BTN2A2: variants seen among roughly 807,000 people sequenced by gnomAD.
The protein encoded by BTN2A2 is butyrophilin 2.
A neutral mutation model predicts 34.7 loss-of-function variants in BTN2A2; 29 were observed. That is an observed-to-expected ratio of 0.84 (90% CI 0.62 to 1.14). The LOEUF is 1.14. BTN2A2 is among the 50% of genes most tolerant of loss of function. BTN2A2 has a pLI of 0.00. For synonymous variants in BTN2A2, 240 were observed against 253.1 expected (o/e 0.95, Z 0.49); for missense variants, 612 against 651.5 (o/e 0.94, Z 0.66).
Position 26,394,059 on chromosome 6 carries a change from C to G in BTN2A2, c.*1092C>G. On this transcript the variant is annotated 3_prime_UTR_variant, in exon 8 of 8. Coordinates refer to ENST00000356709, the MANE Select transcript of BTN2A2 (RefSeq NM_006995.5). ...GAGATATTTGTATTATCATATCTGC[C>G]TTTGTATTAAACCTATTGGTATATC... 1 of 408,030 alleles carries G rather than the reference C, an allele frequency of 2.5e-6. No homozygotes were observed. Among genetic ancestry groups the G allele is most frequent in the East Asian group, 3.6e-5 (1 of 27,418 alleles). 25.3% of individuals were successfully genotyped at this position (408,030 alleles called of 1,614,324 possible).
Position 26,385,262 on chromosome 6 carries a change from G to A in BTN2A2, c.342G>A (p.Leu114=). 6.2e-7 allele frequency: 1 copy of A among 1,614,110 alleles called. No homozygotes were observed. The highest frequency in any genetic ancestry group is 2.2e-5 in the East Asian group (1 of 44,884). ...SKDINRGSVA[L]VIHNVTAQEN... ...ACATCAACAGGGGCAGCGTGGCCCT[G>A]GTCATACATAACGTCACAGCCCAGG... The change falls in exon 3 of 8, where the codon CTG becomes CTA. Residue 114 remains leucine (L), a synonymous_variant. Transcript: ENST00000356709.
rs1561828869 is a variant in BTN2A2 at position 26,388,170 on chromosome 6, T to A, written c.600T>A (p.Asp200Glu). 6.2e-7 allele frequency: 1 copy of A among 1,614,218 alleles called. No homozygotes were observed. The highest frequency in any genetic ancestry group is 8.5e-7 in the Non-Finnish European group (1 of 1,180,032). ...CCCTGAAGGAGGTTTCCATCGCTGA[T>A]GCTGACGGCCTCTTCATGGTCACCA... ...VPALKEVSIA[D>E]ADGLFMVTTA... The change falls in exon 4 of 8, where the codon GAT becomes GAA. Residue 200 changes from aspartate (D) to glutamate (E), a missense_variant. Transcript: ENST00000356709.
rs1761727623 is a variant in BTN2A2, at chr6:26,393,467, G to A, written c.*500G>A. 5 of 1,060,154 alleles carry A rather than the reference G, an allele frequency of 4.7e-6. No individual in the cohort carries two copies. The highest frequency in any genetic ancestry group is 4.9e-5 in the Admixed American group (1 of 20,268). 65.7% of individuals were successfully genotyped at this position (1,060,154 alleles called of 1,614,324 possible). A position where few individuals can be genotyped will look rare whatever the true frequency, so the allele number is the denominator to read the frequency against. On this transcript the variant is annotated 3_prime_UTR_variant, in exon 8 of 8. Coordinates refer to ENST00000356709, the MANE Select transcript of BTN2A2 (RefSeq NM_006995.5). The stretch of plus-strand genomic sequence containing the variant: ...CAGAGAGCTGGGAGGGACCAAGGTT[G>A]TAAGGATGGCTAAGTCCCACCATAA...
At chr6:26,391,003 A>G (rs891821303) in intron 7 of BTN2A2, 174 bp downstream of exon 7, 2 of 935,562 alleles carry the variant, frequency 2.1e-6, no homozygotes, top group African/African-American at 3.3e-5. Flanking sequence ...CTGTCAGGGA[A>G]CCCCAGCAGC....
In BTN2A2 at chr6:26,392,055, T is replaced by TC. The variant is rs1258992951; in HGVS notation, c.980-320_980-319insC. On this transcript the variant is annotated intron_variant, in intron 7 of 7. Transcript: ENST00000356709. ...AAGAAAGTCCCAGAGATCATATATC[T>TC]TGAATAGAAAAGGGATCAGATCTTA... The TC allele has an allele frequency of 1.2e-5, 8 of 685,674 alleles. No individual in the cohort carries two copies. The African/African-American group carries it at 1.4e-4, about 12-fold the overall frequency. The allele number at this position is 685,674 out of a possible 1,614,324, so 42.5% of individuals were successfully genotyped here. A position where few individuals can be genotyped will look rare whatever the true frequency, so the allele number is the denominator to read the frequency against.
At chr6:26,390,744 T>C in intron 6 of BTN2A2, 37 bp downstream of exon 6, 1 of 1,614,236 alleles carries the variant, frequency 6.2e-7, no homozygotes, top group Non-Finnish European at 8.5e-7. Flanking sequence ...CCGTGTACAA[T>C]TTGTGTTCTG....
intron 4 of BTN2A2, 57 bp from the exon 5 acceptor site, chr6:26,389,948 A>G: frequency 1.3e-6 from 2 of 1,545,432 alleles, no homozygotes; most frequent in Non-Finnish European, 1.8e-6. Context: ...TCTTAGGGGC[A>G]CTCTCATCCA....
intron 3 of BTN2A2, 168 bp downstream of exon 3, chr6:26,385,530 T>A: frequency 1.6e-6 from 1 of 639,716 alleles, no homozygotes; most frequent in Non-Finnish European, 2.7e-6. Flanking sequence ...GGGTTTGCCC[T>A]GCTAAGCTAT....
rs1420325676 is a variant in BTN2A2 at position 26,383,149 on chromosome 6, G to A, written c.-63G>A. 2.0e-5 allele frequency: 3 copies of A among 152,612 alleles called. No homozygotes were observed. The highest frequency in any genetic ancestry group is 6.5e-5 in the Admixed American group (1 of 15,312). The allele number at this position is 152,612 out of a possible 1,614,324, so 9.5% of individuals were successfully genotyped here. A position where few individuals can be genotyped will look rare whatever the true frequency, so the allele number is the denominator to read the frequency against. Reference sequence around the variant, plus strand: ...CCAGAGAACAGGTCCCAGATACCGAGTCCGCAACTCCAAACATCGCGATTA... The same window carrying A: ...CCAGAGAACAGGTCCCAGATACCGAATCCGCAACTCCAAACATCGCGATTA... On this transcript the variant is annotated 5_prime_UTR_variant, in exon 1 of 8. Transcript: ENST00000356709. This position sits in a 1 kb window ranked among gnomAD's most constrained non-coding sequence, Gnocchi z 4.4.
intron 3 of BTN2A2, among the ~76,000 whole-genome samples, chr6:26,387,567 CAA>C (rs74270301): frequency 2.3e-4 from 11 of 47,114 alleles, no homozygotes; most frequent in Admixed American, 6.9e-4. Context: ...CCCATCTCTA[CAA>C]AAAAAAAAAA....
chr6:26,390,792 G>C lies in BTN2A2; in HGVS notation c.953-11G>C, dbSNP rs562989262. On this transcript the variant is annotated splice_polypyrimidine_tract_variant and intron_variant, in intron 6 of 7. Coordinates refer to ENST00000356709, the MANE Select transcript of BTN2A2 (RefSeq NM_006995.5). ...TGTCTCGTGACATTCACCTCTGTCT[G>C]TCCCTTGCAGGATGGAGAAGAACAT... 5.6e-6 allele frequency: 9 copies of C among 1,614,234 alleles called. No homozygotes were observed. In the African/African-American group the frequency reaches 1.1e-4, roughly 19 times the overall value.
At position 26,388,240 on chromosome 6, in the gene BTN2A2, T is replaced by C. The variant is rs1761337402; in HGVS notation, c.670T>C (p.Ser224Pro). 6.2e-7 allele frequency: 1 copy of C among 1,614,188 alleles called. No homozygotes were observed. Among genetic ancestry groups the C allele is most frequent in the African/African-American group, 1.3e-5 (1 of 75,040 alleles). Residue 224 changes from serine (S) to proline (P), a missense_variant, in exon 4 of 8, where the codon TCT (serine) becomes CCT (proline). Physicochemically the swap from Ser to Pro is moderately conservative, Grantham distance 74. Transcript: ENST00000356709. ...CAAGTATGTGAGGAATGTGTCCTGC[T>C]CTGTCAACAACACCCTGCTCGGCCA... is the stretch of plus-strand genomic sequence containing the variant. ...RDKYVRNVSC[S>P]VNNTLLGQEK... is the part of the protein sequence containing the mutation.
At chr6:26,390,934 C>A in intron 7 of BTN2A2, 105 bp downstream of exon 7, 1 of 1,558,804 alleles carries the variant, frequency 6.4e-7, no homozygotes, top group Non-Finnish European at 8.8e-7. Context: ...ACACAGGGAC[C>A]ATAGGGAACT....
chr6:26,393,091 C>T lies in BTN2A2; in HGVS notation c.*124C>T. 1 of 1,610,432 alleles carries T rather than the reference C, an allele frequency of 6.2e-7. No individual in the cohort carries two copies. The highest frequency in any genetic ancestry group is 2.2e-5 in the East Asian group (1 of 44,874). On this transcript the variant is annotated 3_prime_UTR_variant, in exon 8 of 8. Coordinates refer to ENST00000356709, the MANE Select transcript of BTN2A2 (RefSeq NM_006995.5). ...GGTCACGTAAGAGAACATCTTCCAGCTGCCTTTTTCACACCCACTCCAGCC... is the reference window on the plus strand; with the variant it reads ...GGTCACGTAAGAGAACATCTTCCAGTTGCCTTTTTCACACCCACTCCAGCC...
In BTN2A2 at chr6:26,385,002, C is replaced by A. The variant is rs747396093; in HGVS notation, c.95-13C>A. ...AACTGGCATCCTTGTCTGATTCTGC[C>A]CTTGTTGAACAGCCCAGTTTACTGT... On this transcript the variant is annotated splice_polypyrimidine_tract_variant and intron_variant, in intron 2 of 7. Coordinates refer to ENST00000356709, the MANE Select transcript of BTN2A2 (RefSeq NM_006995.5). The A allele has an allele frequency of 2.5e-6, 4 of 1,606,808 alleles. No homozygotes were observed. In the South Asian group the frequency reaches 4.4e-5, roughly 18 times the overall value.
chr6:26,389,049 G>A (rs768258001), intron 4 of BTN2A2, among the ~76,000 whole-genome samples: 3 of 152,022 alleles, frequency 2.0e-5, no homozygotes, highest in Admixed American at 6.5e-5. Flanking sequence ...GAACCCAGGC[G>A]GCAGAGCTTG....
At chr6:26,386,193 A>G (rs1304329143) in intron 3 of BTN2A2, among the ~76,000 whole-genome samples, 2 of 152,192 alleles carry the variant, frequency 1.3e-5, no homozygotes, top group Non-Finnish European at 1.5e-5. Context: ...ATTCCTGCTA[A>G]CTCCACAGAG....
intron 4 of BTN2A2, 143 bp from the exon 5 acceptor site, chr6:26,389,862 A>G: frequency 1.3e-6 from 1 of 776,516 alleles, no homozygotes; most frequent in Non-Finnish European, 2.1e-6. Context: ...GTGTTGAGCC[A>G]GCATCGCTTT....
At chr6:26,392,350 C>T in intron 7 of BTN2A2, 25 bp from the exon 8 acceptor site, 1 of 1,614,130 alleles carries the variant, frequency 6.2e-7, no homozygotes, top group South Asian at 1.1e-5. Flanking sequence ...AGACCCCAGG[C>T]ATAAACCTGA....
Sources: gnomAD v4.1 joint callset for allele counts (sites outside exome capture counted in the v4.1 genomes callset) on GRCh38, gnomAD v4.1.1 for gene constraint, Gnocchi (gnomAD v3.1) non-coding constraint, MANE v1.5 for transcripts, NCBI Gene and HGNC (gene_info 2026-07-23, HGNC 2026-07-21) for gene names.